LHX8: variants seen among roughly 807,000 people sequenced by gnomAD.
LHX8 encodes the protein LIM homeobox 8.
Under a neutral mutation model 40.3 loss-of-function variants are expected in LHX8, and 12 were observed. The ratio of observed to expected loss-of-function variants is 0.30; its 90% confidence interval spans 0.19 to 0.48. The LOEUF (loss-of-function observed/expected upper bound fraction) is 0.48. Among genes scored for constraint, LHX8 ranks in the 20% least tolerant of loss-of-function variants. The pLI is 0.99. For missense variants in LHX8, 344 were observed against 433.7 expected (o/e 0.79, Z 1.84); for synonymous variants, 179 against 162.0 (o/e 1.10, Z -0.80).
the LHX8 span, among the ~76,000 whole-genome samples, chr1:75,179,497 C>CTGT: frequency 1.5e-5 from 2 of 133,306 alleles, no homozygotes; most frequent in East Asian, 2.1e-4. Context: ...ATTGCAACCC[C>CTGT]TGTTGTTTTT....
At chr1:75,143,634 A>C (rs1035701966) in intron 5 of LHX8, among the ~76,000 whole-genome samples, 1 of 152,142 alleles carries the variant, frequency 6.6e-6, no homozygotes, top group Admixed American at 6.6e-5. Flanking sequence ...TGTACTTCTA[A>C]CTTTTTGAAC....
At position 75,143,121 on chromosome 1, in the gene LHX8, G is replaced by C; in HGVS notation, c.363G>C (p.Arg121Ser). Residue 121 changes from arginine (R) to serine (S), a missense_variant, in exon 5 of 9, where the codon AGG becomes AGC. Physicochemically the swap from Arg to Ser is moderately radical, Grantham distance 110 (BLOSUM62 -1). This residue lies in a region of LHX8 where 147 missense variants were observed against 250.8 expected (regional missense o/e 0.59). Coordinates refer to ENST00000356261, the MANE Select transcript of LHX8 (RefSeq NM_001256114.2). ...TCCACACCTCTATTTAATGTAGAAG[G>C]TATGGAACTCGCTGCTCTCGATGTG... ...DIFCKLDYFR[R>S]YGTRCSRCGR... is the part of the protein sequence containing the mutation. 1 of 1,613,028 alleles carries C rather than the reference G, an allele frequency of 6.2e-7. No homozygotes were observed. The highest frequency in any genetic ancestry group is 1.3e-5 in the African/African-American group (1 of 75,006).
chr1:75,145,034 C>T (rs1449688420), intron 6 of LHX8, among the ~76,000 whole-genome samples: 1 of 152,062 alleles, frequency 6.6e-6, no homozygotes, highest in Non-Finnish European at 1.5e-5. Context: ...AAATCTAGAT[C>T]CATTCAGAAG....
chr1:75,162,598 C>T (rs1260764246), downstream of LHX8, among the ~76,000 whole-genome samples: 3 of 152,088 alleles, frequency 2.0e-5, no homozygotes, highest in Admixed American at 2.0e-4. Context: ...TATATCACCA[C>T]CCTTTTTAGT....
the LHX8 span, among the ~76,000 whole-genome samples, chr1:75,198,446 T>C: frequency 6.6e-6 from 1 of 152,168 alleles, no homozygotes; most frequent in Non-Finnish European, 1.5e-5. Context: ...ATAATGGATA[T>C]GATGCTCACT....
intron 8 of LHX8, among the ~76,000 whole-genome samples, chr1:75,158,778 T>C (rs1648837291): frequency 6.6e-6 from 1 of 152,178 alleles, no homozygotes; most frequent in African/African-American, 2.4e-5. Context: ...TATATGATAA[T>C]GTGTTTCTAT....
rs768294649 is a variant in LHX8 at position 75,143,231 on chromosome 1, A to G, written c.473A>G (p.Lys158Arg). 9 of 1,613,720 alleles carry G rather than the reference A, an allele frequency of 5.6e-6. No homozygotes were observed. The African/African-American group carries it at 9.3e-5, about 17-fold the overall frequency. ...GCATGCTTTGCCTGCTTTTCCTGCA[A>G]AAGGCAACTTTCCACAGGAGAGGAG... The part of the protein sequence containing the change: ...HLACFACFSC[K>R]RQLSTGEEFA... The change falls in exon 5 of 9, where the codon AAA (lysine) becomes AGA (arginine). Residue 158 changes from lysine (K) to arginine (R), a missense_variant. Physicochemically the swap from Lys to Arg is conservative, Grantham distance 26. This residue lies in a region of LHX8 where 147 missense variants were observed against 250.8 expected (regional missense o/e 0.59). Coordinates refer to ENST00000356261, the MANE Select transcript of LHX8 (RefSeq NM_001256114.2).
At chr1:75,136,459 G>A in intron 1 of LHX8, 144 bp from the exon 2 acceptor site, 6 of 499,726 alleles carry the variant, frequency 1.2e-5, no homozygotes, top group South Asian at 3.4e-5. Flanking sequence ...CGGCGCCCGG[G>A]CTCAGGCGCC....
In LHX8 at chr1:75,154,604, A is replaced by G. The variant is rs145387234; in HGVS notation, c.781-2289A>G. ...CGGTGGCAGTGGTTCCCCCTTACAC[A>G]TTGGAGAATGTTTGAGTAATGTCAT... On this transcript the variant is annotated intron_variant, in intron 7 of 8. Coordinates refer to ENST00000356261, the MANE Select transcript of LHX8 (RefSeq NM_001256114.2). Among the ~76,000 whole-genome samples, 193 of 152,138 alleles carry G rather than the reference A, an allele frequency of 1.3e-3. 1 individual carries two copies. Among genetic ancestry groups the G allele is most frequent in the African/African-American group, 4.5e-3 (186 of 41,480 alleles).
At chr1:75,183,767 C>T in the LHX8 span, among the ~76,000 whole-genome samples, 1 of 152,192 alleles carries the variant, frequency 6.6e-6, no homozygotes, top group African/African-American at 2.4e-5. Context: ...ATCAAATGTA[C>T]ACATATCCAT....
chr1:75,140,039 G>A (rs913482772), intron 3 of LHX8, among the ~76,000 whole-genome samples: 11 of 146,862 alleles, frequency 7.5e-5, no homozygotes, highest in Admixed American at 5.3e-4. Context: ...CACTTAACAA[G>A]AGCAAACTTT....
rs201765596 is a variant in LHX8 at position 75,156,870 on chromosome 1, C to T, written c.781-23C>T. The T allele has an allele frequency of 3.4e-4, 546 of 1,613,684 alleles. 1 individual carries two copies. In the African/African-American group the frequency reaches 6.5e-3, roughly 19 times the overall value. On this transcript the variant is annotated intron_variant, in intron 7 of 8. Coordinates refer to ENST00000356261, the MANE Select transcript of LHX8 (RefSeq NM_001256114.2). ...AAGCTGGTGTGTAACCTACCTACTT[C>T]TGTTGCTTTTCTCCCTGCTCAGGTG...
chr1:75,197,987 G>C, the LHX8 span, among the ~76,000 whole-genome samples: 295 of 152,182 alleles, frequency 1.9e-3, 1 homozygote, highest in African/African-American at 6.7e-3. Flanking sequence ...AAAGATTAAG[G>C]GACTCTAGAA....
In LHX8 at chr1:75,137,171, C is replaced by G. The variant is rs1255409033; in HGVS notation, c.147C>G (p.Pro49=). The G allele has an allele frequency of 1.9e-6, 3 of 1,613,476 alleles. No homozygotes were observed. The highest frequency in any genetic ancestry group is 1.7e-6 in the Non-Finnish European group (2 of 1,179,902). The change falls in exon 3 of 9, where the codon CCC becomes CCG. Residue 49 remains proline (P), a synonymous_variant. Coordinates refer to ENST00000356261, the MANE Select transcript of LHX8 (RefSeq NM_001256114.2). ...CCCCGCTGTCCCCGTCGTCCTCGCC[C>G]CGGTCCATGGCCTCGGGCTCCGGCT... is the stretch of plus-strand genomic sequence containing the variant. ...SSAPLSPSSS[P]RSMASGSGCP... is the part of the protein sequence containing the mutation.
the LHX8 span, among the ~76,000 whole-genome samples, chr1:75,168,623 T>C: frequency 6.6e-6 from 1 of 152,308 alleles, no homozygotes; most frequent in Admixed American, 6.5e-5. Flanking sequence ...CTCAGTCATA[T>C]GTTTCACACA....
chr1:75,166,892 TGA>T, the LHX8 span, among the ~76,000 whole-genome samples: 1 of 152,182 alleles, frequency 6.6e-6, no homozygotes, highest in Non-Finnish European at 1.5e-5. Flanking sequence ...ATGAGGGCGA[TGA>T]GACAGTCTAC....
At chr1:75,133,183 G>A (rs1252687283), upstream of LHX8, 1 of 152,170 alleles carries the variant, frequency 6.6e-6, no homozygotes, top group Admixed American at 6.5e-5. Flanking sequence ...GCGCAGCTGC[G>A]CGAAAAGAAA....
At chr1:75,181,891 A>AT in the LHX8 span, among the ~76,000 whole-genome samples, 1 of 151,682 alleles carries the variant, frequency 6.6e-6, no homozygotes. Flanking sequence ...TAGATTCTGG[A>AT]TATTAGTCCT....
chr1:75,180,073 A>G, the LHX8 span, among the ~76,000 whole-genome samples: 1 of 152,148 alleles, frequency 6.6e-6, no homozygotes, highest in African/African-American at 2.4e-5. Context: ...TTAGTCTGAT[A>G]GCCTTCCCTT....
Sources: allele counts gnomAD v4.1 joint callset (sites outside exome capture counted in the v4.1 genomes callset), GRCh38; gene constraint gnomAD v4.1.1; regional missense constraint gnomAD v4.1.1; transcripts MANE v1.5; gene names NCBI Gene and HGNC (gene_info 2026-07-23, HGNC 2026-07-21).